The following SPIDR variants were observed in gnomAD, a reference collection of about 807,000 sequenced individuals.
The protein encoded by SPIDR is DNA repair-scaffolding protein.
SPIDR carries 93 observed loss-of-function variants against 104.6 expected under a neutral mutation model. The observed-to-expected ratio is 0.89, with a 90% CI of 0.75 to 1.06. The LOEUF is 1.06. Ranked by LOEUF, SPIDR falls within the 50% of genes least tolerant of loss-of-function variation. The pLI, the probability that SPIDR is intolerant of heterozygous loss-of-function variation, is 0.00. For synonymous variants in SPIDR, 431 were observed against 416.9 expected, an observed-to-expected ratio of 1.03 and a Z score of -0.41; for missense variants, 1,154 against 1,111.2, an observed-to-expected ratio of 1.04 and a Z score of -0.55.
At chr8:47,684,539 G>A (rs1213392076) in intron 11 of SPIDR, among the ~76,000 whole-genome samples, 1 of 152,176 alleles carries the variant, frequency 6.6e-6, no homozygotes, top group Non-Finnish European at 1.5e-5. Flanking sequence ...TATCAACAAG[G>A]ATAAATCTAC....
At position 47,731,254 on chromosome 8, in the gene SPIDR, GA is replaced by G. The variant is rs780100344; in HGVS notation, c.2604+1803del. Among the ~76,000 whole-genome samples, 901 of 131,116 alleles carry G rather than the reference GA, an allele frequency of 6.9e-3. 1 individual carries two copies. Among genetic ancestry groups the G allele is most frequent in the Non-Finnish European group, 6.3e-3 (384 of 60,604 alleles). 86.0% of individuals were successfully genotyped at this position (131,116 alleles called of 152,430 possible). The stretch of plus-strand genomic sequence containing the variant: ...GGCGACAGAGCAAGACTCCGTCTCA[GA>G]AAAAAAAAAAAAAGGGCTTCTGCTC... On this transcript the variant is annotated intron_variant, in intron 19 of 19. Coordinates refer to ENST00000297423, the MANE Select transcript of SPIDR (RefSeq NM_001080394.4).
At chr8:47,514,412 A>T (rs771761352) in intron 8 of SPIDR, among the ~76,000 whole-genome samples, 1 of 152,202 alleles carries the variant, frequency 6.6e-6, no homozygotes, top group Non-Finnish European at 1.5e-5. Context: ...TGACATGGAG[A>T]AAAGGAAAAT....
At chr8:47,329,570 A>G (rs1357488180) in intron 5 of SPIDR, among the ~76,000 whole-genome samples, 1 of 152,210 alleles carries the variant, frequency 6.6e-6, no homozygotes, top group African/African-American at 2.4e-5. Flanking sequence ...CATCTCAACC[A>G]AATCTTCCTT....
intron 10 of SPIDR, among the ~76,000 whole-genome samples, chr8:47,621,530 G>T (rs191681534): frequency 6.6e-6 from 1 of 152,108 alleles, no homozygotes; most frequent in Admixed American, 6.5e-5. Flanking sequence ...TGACCTGAGC[G>T]TCTTTGAAGG....
At chr8:47,448,350 T>C (rs1311624794) in intron 8 of SPIDR, among the ~76,000 whole-genome samples, 5 of 152,196 alleles carry the variant, frequency 3.3e-5, no homozygotes, top group African/African-American at 1.2e-4. Flanking sequence ...TTATCCTCCC[T>C]AATTGAATGA....
chr8:47,691,283 T>G (rs1316446451), intron 11 of SPIDR, among the ~76,000 whole-genome samples: 1 of 100,454 alleles, frequency 1.0e-5, no homozygotes, highest in African/African-American at 3.9e-5. Flanking sequence ...AGAGCAAGAC[T>G]CCGTCTCAAA....
chr8:47,494,869 A>G (rs138547409), intron 8 of SPIDR, among the ~76,000 whole-genome samples: 115 of 152,276 alleles, frequency 7.6e-4, no homozygotes, highest in African/African-American at 2.1e-3. Flanking sequence ...TTTTCAATCC[A>G]TCTATGAAAA....
At chr8:47,539,802 C>G (rs753150074) in intron 8 of SPIDR, among the ~76,000 whole-genome samples, 24 of 151,526 alleles carry the variant, frequency 1.6e-4, no homozygotes, top group Non-Finnish European at 2.9e-4. Context: ...GGTTTGAGTG[C>G]TTGTTGTGAG....
intron 8 of SPIDR, among the ~76,000 whole-genome samples, chr8:47,579,087 G>A (rs1354857606): frequency 2.0e-5 from 3 of 151,902 alleles, no homozygotes; most frequent in Non-Finnish European, 4.4e-5. Context: ...GTGAGGAGGA[G>A]TGGTACCCAG....
intron 1 of SPIDR, chr8:47,276,984 A>C (rs2036560347): frequency 1.3e-5 from 2 of 148,300 alleles, no homozygotes. Flanking sequence ...GCTGGAGTGC[A>C]ATGGCACAAT....
chr8:47,298,048 G>C (rs1171858571), intron 5 of SPIDR, among the ~76,000 whole-genome samples: 1 of 152,120 alleles, frequency 6.6e-6, no homozygotes, highest in African/African-American at 2.4e-5. Context: ...CTTCCACAAT[G>C]GTTGAACTAG....
At chr8:47,580,992 CAGGAAACTGGA>C (rs751761806) in intron 8 of SPIDR, among the ~76,000 whole-genome samples, 5 of 152,132 alleles carry the variant, frequency 3.3e-5, no homozygotes, top group Non-Finnish European at 7.3e-5. Context: ...CAACTTTTCC[CAGGAAACTGGA>C]AGAAGGAATG....
At chr8:47,505,935 T>C (rs915558316) in intron 8 of SPIDR, among the ~76,000 whole-genome samples, 2 of 152,250 alleles carry the variant, frequency 1.3e-5, no homozygotes, top group Admixed American at 1.3e-4. Flanking sequence ...TGTATGTAAT[T>C]CCATTATTTT....
intron 8 of SPIDR, among the ~76,000 whole-genome samples, chr8:47,470,797 T>G (rs1452114005): frequency 1.3e-5 from 2 of 151,772 alleles, no homozygotes; most frequent in South Asian, 2.1e-4. Flanking sequence ...TGCAGTGGCG[T>G]GATCTCGGCT....
chr8:47,376,410 A>C (rs1453603020), intron 5 of SPIDR, among the ~76,000 whole-genome samples: 2 of 152,210 alleles, frequency 1.3e-5, no homozygotes, highest in Non-Finnish European at 2.9e-5. Context: ...GGCCTTGGGA[A>C]GCCCTGTATA....
intron 9 of SPIDR, among the ~76,000 whole-genome samples, chr8:47,596,916 G>A (rs2061685332): frequency 6.6e-6 from 1 of 151,812 alleles, no homozygotes; most frequent in Admixed American, 6.6e-5. Flanking sequence ...CACAGGGTCA[G>A]GGCCATCAAT....
intron 11 of SPIDR, among the ~76,000 whole-genome samples, chr8:47,674,675 G>T (rs58592579): frequency 0.018 from 2,757 of 152,242 alleles, 85 homozygotes; most frequent in African/African-American, 0.064. Flanking sequence ...TCGGAAGGAG[G>T]AAAAGTCCAG....
intron 10 of SPIDR, among the ~76,000 whole-genome samples, chr8:47,642,314 G>A (rs1367896473): frequency 1.3e-5 from 2 of 152,154 alleles, no homozygotes; most frequent in East Asian, 1.9e-4. Flanking sequence ...TACTCGGGAG[G>A]CTGAGGCAGG....
intron 8 of SPIDR, among the ~76,000 whole-genome samples, chr8:47,474,825 A>G (rs16926621): frequency 0.036 from 5,433 of 152,326 alleles, 272 homozygotes; most frequent in African/African-American, 0.12. Flanking sequence ...TGTTATTTTC[A>G]TGTTGCAGAG....
Sources: gnomAD v4.1 joint callset for allele counts (sites outside exome capture counted in the v4.1 genomes callset) on GRCh38, gnomAD v4.1.1 for gene constraint, MANE v1.5 for transcripts, NCBI Gene and HGNC (gene_info 2026-07-23, HGNC 2026-07-21) for gene names.